The following CPO variants were observed in gnomAD, a reference collection of about 807,000 sequenced individuals.
The protein encoded by CPO is metallocarboxypeptidase C.
A neutral mutation model predicts 41.2 loss-of-function variants in CPO; 43 were observed. That is an observed-to-expected ratio of 1.04 (90% confidence interval 0.82 to 1.35). CPO has a LOEUF of 1.35. CPO is among the 40% of genes most tolerant of loss of function. The probability of loss-of-function intolerance (pLI) is 0.00; values close to 1 mark genes in which losing one functional copy is unlikely to be tolerated. For missense variants in CPO, 408 were observed against 451.7 expected (o/e 0.90, Z 0.88); for synonymous variants, 178 against 162.7 (o/e 1.09, Z -0.72).
chr2:206,961,927 C>T (rs1006141663), intron 6 of CPO, among the ~76,000 whole-genome samples: 4 of 150,474 alleles, frequency 2.7e-5, no homozygotes, highest in Non-Finnish European at 5.9e-5. Context: ...CCCATCTCTA[C>T]TAAAAATACC....
intron 1 of CPO, among the ~76,000 whole-genome samples, chr2:206,946,559 A>G (rs1027714280): frequency 6.6e-6 from 1 of 152,184 alleles, no homozygotes; most frequent in Admixed American, 6.5e-5. Context: ...GAAGGCAAGG[A>G]TGTTCCCTCT....
At chr2:206,967,993 T>C (rs541508584) in intron 7 of CPO, among the ~76,000 whole-genome samples, 4 of 152,326 alleles carry the variant, frequency 2.6e-5, no homozygotes, top group African/African-American at 7.2e-5. Context: ...ATATCAGAGA[T>C]GCCTGCAGAA....
At chr2:206,957,765 G>C (rs1004789987) in intron 3 of CPO, among the ~76,000 whole-genome samples, 2 of 152,170 alleles carry the variant, frequency 1.3e-5, no homozygotes, top group Non-Finnish European at 2.9e-5. Flanking sequence ...ATGGGGAGAA[G>C]GAAAGAAGAT....
rs1455867116 is a variant in CPO at position 206,959,527 on chromosome 2, GGT to G, written c.373-100_373-99del. ...GAGGGCTTGGGGACTGGAGGGTGGAGGTGTGATGTACAGTCACCTCTTATAAT... is the reference window on the plus strand; with the variant it reads ...GAGGGCTTGGGGACTGGAGGGTGGAGGTGATGTACAGTCACCTCTTATAAT... On this transcript the variant is annotated intron_variant, in intron 4 of 8. Coordinates refer to ENST00000272852, the MANE Select transcript of CPO (RefSeq NM_173077.3). 4.7e-6 allele frequency: 3 copies of G among 636,664 alleles called. No individual in the cohort carries two copies. The Admixed American group carries it at 7.6e-5, about 16-fold the overall frequency. The allele number at this position is 636,664 out of a possible 1,614,324, so 39.4% of individuals were successfully genotyped here. A position where few individuals can be genotyped will look rare whatever the true frequency, so the allele number is the denominator to read the frequency against.
intron 2 of CPO, among the ~76,000 whole-genome samples, chr2:206,955,061 A>G (rs1693332107): frequency 6.6e-6 from 1 of 152,218 alleles, no homozygotes; most frequent in Non-Finnish European, 1.5e-5. Flanking sequence ...AGCAAAAGAT[A>G]TCACCGGGAT....
rs757123066 is a variant in CPO at position 206,968,345 on chromosome 2, T to C, written c.860T>C (p.Leu287Ser). The change falls in exon 8 of 9, where the codon TTA becomes TCA. Residue 287 changes from leucine to serine, a missense_variant and splice_region_variant. By Grantham distance (145) the Leu-to-Ser change is moderately radical (BLOSUM62 -2). Coordinates refer to ENST00000272852, the MANE Select transcript of CPO (RefSeq NM_173077.3). ...NYRVGSSADILYASSGSSRDW... is the reference protein window; with the variant it reads ...NYRVGSSADISYASSGSSRDW... ...AGAGTTGGATCGAGTGCAGATATTT[T>C]ATGTAAGTATCTTTTTTTGCCTCTT... The C allele has an allele frequency of 6.3e-7, 1 of 1,583,028 alleles. No homozygotes were observed. Among genetic ancestry groups the C allele is most frequent in the Non-Finnish European group, 8.7e-7 (1 of 1,152,040 alleles).
At chr2:206,957,457 A>T (rs1342000113) in intron 3 of CPO, among the ~76,000 whole-genome samples, 1 of 152,164 alleles carries the variant, frequency 6.6e-6, no homozygotes, top group African/African-American at 2.4e-5. Context: ...TGAGGCTAAA[A>T]GGAGAAGATT....
intron 3 of CPO, among the ~76,000 whole-genome samples, chr2:206,957,581 T>C (rs988435303): frequency 6.6e-6 from 1 of 152,186 alleles, no homozygotes; most frequent in Non-Finnish European, 1.5e-5. Context: ...ATAGCCTTGG[T>C]CTAGGCTATT....
intron 4 of CPO, among the ~76,000 whole-genome samples, 159 bp downstream of exon 4, chr2:206,958,564 C>A (rs952495432): frequency 6.6e-6 from 1 of 152,084 alleles, no homozygotes; most frequent in Non-Finnish European, 1.5e-5. Context: ...TGAGGAACTT[C>A]ACTGAAAACT....
chr2:206,948,302 T>C (rs1693184282), intron 1 of CPO, among the ~76,000 whole-genome samples: 1 of 152,220 alleles, frequency 6.6e-6, no homozygotes, highest in Non-Finnish European at 1.5e-5. Flanking sequence ...CTTAAATGCA[T>C]ACTATTCAGT....
At chr2:206,959,765 G>C in intron 5 of CPO, 24 bp downstream of exon 5, 1 of 1,038,992 alleles carries the variant, frequency 9.6e-7, no homozygotes, top group Non-Finnish European at 1.5e-6. Context: ...GTTTGGTCCT[G>C]GGATGAGTTC....
intron 2 of CPO, among the ~76,000 whole-genome samples, chr2:206,950,559 C>T (rs1693240383): frequency 6.6e-6 from 1 of 152,016 alleles, no homozygotes; most frequent in East Asian, 1.9e-4. Flanking sequence ...ACTATTTGAC[C>T]CAGCAATCCC....
At chr2:206,967,354 T>C (rs75362616) in intron 7 of CPO, among the ~76,000 whole-genome samples, 2 of 111,106 alleles carry the variant, frequency 1.8e-5, no homozygotes, top group Admixed American at 1.8e-4. Context: ...TATATATAGA[T>C]ATATAGATAT....
At position 206,969,365 on chromosome 2, in the gene CPO, G is replaced by T. The variant is rs766179889; in HGVS notation, c.1054G>T (p.Asp352Tyr). ...DDVYAKHWHSDSAGRVTSATM... is the reference protein window; with the variant it reads ...DDVYAKHWHSYSAGRVTSATM... ...TGTGTATGCGAAACACTGGCACTCG[G>T]ACAGTGCTGGAAGGGTGACATCTGC... The change falls in exon 9 of 9, where the codon GAC becomes TAC. Residue 352 changes from aspartate to tyrosine, a missense_variant. By Grantham distance (160) the Asp-to-Tyr change is radical. Coordinates refer to ENST00000272852, the MANE Select transcript of CPO (RefSeq NM_173077.3). 3.7e-6 allele frequency: 6 copies of T among 1,614,048 alleles called. No individual in the cohort carries two copies. Among genetic ancestry groups the T allele is most frequent in the Non-Finnish European group, 4.2e-6 (5 of 1,179,968 alleles).
intron 1 of CPO, among the ~76,000 whole-genome samples, chr2:206,941,620 A>C (rs1243794357): frequency 6.6e-6 from 1 of 152,144 alleles, no homozygotes; most frequent in East Asian, 1.9e-4. Context: ...TCATGACTGC[A>C]CTTGACCGTG....
At chr2:206,963,436 G>A (rs1693517171) in intron 7 of CPO, among the ~76,000 whole-genome samples, 1 of 152,018 alleles carries the variant, frequency 6.6e-6, no homozygotes, top group South Asian at 2.1e-4. Context: ...ATATGGTTAT[G>A]CAGCCAATCA....
At chr2:206,967,442 G>GA (rs1693603207) in intron 7 of CPO, among the ~76,000 whole-genome samples, 1 of 151,868 alleles carries the variant, frequency 6.6e-6, no homozygotes, top group South Asian at 2.1e-4. Context: ...GAGGAATGAA[G>GA]AAACAGCTAT....
rs374554316 is a variant in CPO at position 206,969,234 on chromosome 2, C to T, written c.923C>T (p.Thr308Met). 23 of 1,613,984 alleles carry T rather than the reference C, an allele frequency of 1.4e-5. No individual in the cohort carries two copies. The highest frequency in any genetic ancestry group is 3.3e-4 in the Middle Eastern group (2 of 6,082). Residue 308 changes from threonine to methionine, a missense_variant, in exon 9 of 9, where the codon ACG (threonine) becomes ATG (methionine). Coordinates refer to ENST00000272852, the MANE Select transcript of CPO (RefSeq NM_173077.3). ...GACATTGGGATTCCCTTCTCATATA[C>T]GTTTGAGCTGAGGGACAGTGGAACA... ...ARDIGIPFSY[T>M]FELRDSGTYG...
chr2:206,945,664 T>C (rs1693128914), intron 1 of CPO, among the ~76,000 whole-genome samples: 2 of 152,202 alleles, frequency 1.3e-5, no homozygotes, highest in African/African-American at 4.8e-5. Flanking sequence ...CTCTTAGGTG[T>C]GAGCACAATA....
Sources: gnomAD v4.1 joint callset for allele counts (sites outside exome capture counted in the v4.1 genomes callset) on GRCh38, gnomAD v4.1.1 for gene constraint, MANE v1.5 for transcripts, NCBI Gene and HGNC (gene_info 2026-07-23, HGNC 2026-07-21) for gene names.